ANO2: variants seen among roughly 807,000 people sequenced by gnomAD.
ANO2 encodes the protein anoctamin-2.
Under a neutral mutation model 124.2 loss-of-function variants are expected in ANO2, and 101 were observed. That is an observed-to-expected ratio of 0.81 (90% CI 0.69 to 0.96). The LOEUF (loss-of-function observed/expected upper bound fraction) is 0.96. ANO2 is among the 40% of genes least tolerant of loss of function. The pLI, the probability that ANO2 is intolerant of heterozygous loss-of-function variation, is 0.00. For missense variants in ANO2, 1,293 were observed against 1,274.5 expected, an observed-to-expected ratio of 1.01 and a Z score of -0.22; for synonymous variants, 486 against 482.5, an observed-to-expected ratio of 1.01 and a Z score of -0.09.
At chr12:5,714,867 C>T (rs1376909032) in intron 14 of ANO2, among the ~76,000 whole-genome samples, 3 of 152,136 alleles carry the variant, frequency 2.0e-5, no homozygotes, top group African/African-American at 7.2e-5. Flanking sequence ...ATTCCAAATT[C>T]AAAGAGCCCT....
intron 3 of ANO2, among the ~76,000 whole-genome samples, chr12:5,869,738 G>A (rs1955521672): frequency 6.6e-6 from 1 of 152,170 alleles, no homozygotes; most frequent in Non-Finnish European, 1.5e-5. Context: ...TCATGTGACG[G>A]GGACTGTCCT....
rs1179845990 is a variant in ANO2 at position 5,732,133 on chromosome 12, T to C, written c.1545+387A>G. Among the ~76,000 whole-genome samples, 3 of 152,216 alleles carry C rather than the reference T, an allele frequency of 2.0e-5. No individual in the cohort carries two copies. The East Asian group carries it at 5.8e-4, about 29-fold the overall frequency. ...ACAGACTTATTGTGAGATAATGTAA[T>C]ACACTTAGAACAGTGTCTAACATAG... is the stretch of plus-strand genomic sequence containing the variant. On this transcript the variant is annotated intron_variant, in intron 14 of 24. Transcript: ENST00000682330.
chr12:5,866,626 A>G (rs537092236), intron 3 of ANO2, among the ~76,000 whole-genome samples: 24 of 152,332 alleles, frequency 1.6e-4, no homozygotes, highest in Admixed American at 5.9e-4. Context: ...GCGGCATGGA[A>G]GAGAAGAAGT....
At chr12:5,931,136 A>G (rs1591809258) in intron 1 of ANO2, among the ~76,000 whole-genome samples, 1 of 151,914 alleles carries the variant, frequency 6.6e-6, no homozygotes, top group Non-Finnish European at 1.5e-5. Context: ...GTGGTTGCCT[A>G]CTCTTCTTAG....
chr12:5,575,774 T>C, intron 23 of ANO2, 60 bp downstream of exon 23: 2 of 1,554,296 alleles, frequency 1.3e-6, no homozygotes, highest in Non-Finnish European at 1.8e-6. Context: ...GTCGTCCCCG[T>C]AATTATTTGG....
At chr12:5,610,723 C>CATATATACATATAT (rs1555100504) in intron 19 of ANO2, among the ~76,000 whole-genome samples, 59 of 116,868 alleles carry the variant, frequency 5.0e-4, no homozygotes, top group East Asian at 1.2e-3. Context: ...CACATATATA[C>CATATATACATATAT]ATATATATAT....
intron 16 of ANO2, among the ~76,000 whole-genome samples, chr12:5,630,670 G>A (rs1302870696): frequency 6.6e-6 from 1 of 152,190 alleles, no homozygotes; most frequent in South Asian, 2.1e-4. Context: ...TGAATGAAGA[G>A]AGAGACGTAT....
chr12:5,613,534 GA>G (rs2136907346), intron 17 of ANO2, among the ~76,000 whole-genome samples: 1 of 152,274 alleles, frequency 6.6e-6, no homozygotes, highest in South Asian at 2.1e-4. Context: ...GCAGGTCGGG[GA>G]AGCAAAACAG....
At chr12:5,595,508 C>A (rs1462075323) in intron 20 of ANO2, among the ~76,000 whole-genome samples, 1 of 152,126 alleles carries the variant, frequency 6.6e-6, no homozygotes, top group African/African-American at 2.4e-5. Context: ...TAAGCATGAG[C>A]CACTGCACCT....
chr12:5,695,504 T>C (rs1170495044), intron 14 of ANO2, among the ~76,000 whole-genome samples: 1 of 152,040 alleles, frequency 6.6e-6, no homozygotes, highest in Non-Finnish European at 1.5e-5. Context: ...GATACAAACC[T>C]ATCCACCCCT....
At chr12:5,700,909 T>C (rs1341365069) in intron 14 of ANO2, among the ~76,000 whole-genome samples, 1 of 152,118 alleles carries the variant, frequency 6.6e-6, no homozygotes, top group Admixed American at 6.6e-5. Flanking sequence ...AGATATTTCC[T>C]GTGACTTTAT....
At chr12:5,627,320 G>A (rs1159667849) in intron 16 of ANO2, among the ~76,000 whole-genome samples, 1 of 152,128 alleles carries the variant, frequency 6.6e-6, no homozygotes, top group African/African-American at 2.4e-5. Flanking sequence ...AGAGAGCCGG[G>A]AGCCCCAGAG....
chr12:5,656,843 G>C (rs1251954124), intron 14 of ANO2, among the ~76,000 whole-genome samples: 1 of 152,214 alleles, frequency 6.6e-6, no homozygotes, highest in African/African-American at 2.4e-5. Context: ...GACACTATTA[G>C]AATTCACTGA....
chr12:5,892,775 AG>A (rs1939498969), intron 3 of ANO2, among the ~76,000 whole-genome samples: 1 of 152,250 alleles, frequency 6.6e-6, no homozygotes, highest in South Asian at 2.1e-4. Flanking sequence ...GAATTGCTAA[AG>A]GAAATTCTTC....
In ANO2 at chr12:5,840,560, T is replaced by C. The variant is rs536463914; in HGVS notation, c.634-7957A>G. The stretch of plus-strand genomic sequence containing the variant: ...CTAACATGCCCAAGGTGCACAAACA[T>C]TGGGAGATCCAATGACCCCGAAGAT... On this transcript the variant is annotated intron_variant, in intron 4 of 24. Coordinates refer to ENST00000682330, the MANE Select transcript of ANO2 (RefSeq NM_001364791.2). Among the ~76,000 whole-genome samples the C allele has an allele frequency of 2.6e-5, 4 of 152,134 alleles. No homozygotes were observed. In the South Asian group the frequency reaches 8.3e-4, roughly 32 times the overall value.
chr12:5,811,336 C>T (rs919395709), intron 7 of ANO2, among the ~76,000 whole-genome samples: 4 of 152,178 alleles, frequency 2.6e-5, no homozygotes, highest in Admixed American at 6.5e-5. Flanking sequence ...ATTGTCTTGA[C>T]GTGTGCTTAA....
At chr12:5,788,055 T>C (rs1339668189) in intron 10 of ANO2, among the ~76,000 whole-genome samples, 1 of 152,212 alleles carries the variant, frequency 6.6e-6, no homozygotes, top group Non-Finnish European at 1.5e-5. Flanking sequence ...TGCTAGCAAA[T>C]GTGATGTCAG....
chr12:5,573,344 C>T (rs1942228121), intron 23 of ANO2, among the ~76,000 whole-genome samples: 1 of 152,236 alleles, frequency 6.6e-6, no homozygotes, highest in African/African-American at 2.4e-5. Context: ...GCTCTGAGGA[C>T]AAGTGCTTCT....
intron 4 of ANO2, chr12:5,839,682 T>C: frequency 4.4e-6 from 2 of 454,542 alleles, no homozygotes; most frequent in East Asian, 7.0e-5. Flanking sequence ...AACCCTTCCA[T>C]GTATGGAATG....
Sources: allele counts gnomAD v4.1 joint callset (sites outside exome capture counted in the v4.1 genomes callset), GRCh38; gene constraint gnomAD v4.1.1; transcripts MANE v1.5; gene names NCBI Gene and HGNC (gene_info 2026-07-23, HGNC 2026-07-21).